PDE7B: variants seen among roughly 807,000 people sequenced by gnomAD.
PDE7B encodes the protein phosphodiesterase 7B.
PDE7B carries 29 observed loss-of-function variants against 56.2 expected under a neutral mutation model. The observed-to-expected ratio is 0.52, with a 90% CI of 0.38 to 0.70. PDE7B has a LOEUF of 0.70. PDE7B is among the 30% of genes least tolerant of loss of function. The pLI is 0.00. For missense variants in PDE7B, 490 were observed against 565.0 expected (o/e 0.87, Z 1.35); for synonymous variants, 197 against 196.9 (o/e 1.00, Z 0.00).
chr6:135,969,083 C>T (rs762747079), intron 2 of PDE7B, among the ~76,000 whole-genome samples: 3 of 152,056 alleles, frequency 2.0e-5, no homozygotes, highest in Non-Finnish European at 4.4e-5. Flanking sequence ...GGCAGCTGAA[C>T]AATGAGAATA....
At chr6:136,143,481 A>T (rs996521908) in intron 3 of PDE7B, among the ~76,000 whole-genome samples, 2 of 152,116 alleles carry the variant, frequency 1.3e-5, no homozygotes, top group Non-Finnish European at 2.9e-5. Context: ...ATCTTAATGT[A>T]ATATTTTTAA....
intron 2 of PDE7B, among the ~76,000 whole-genome samples, chr6:136,105,456 A>T (rs889406620): frequency 6.6e-6 from 1 of 152,220 alleles, no homozygotes. Context: ...AATTTCCATT[A>T]GCTTTGCTTC....
At chr6:135,986,977 C>G (rs1203629576) in intron 2 of PDE7B, among the ~76,000 whole-genome samples, 1 of 152,164 alleles carries the variant, frequency 6.6e-6, no homozygotes, top group Non-Finnish European at 1.5e-5. Context: ...AGCCTTGAAG[C>G]CTCTTCAAAG....
intron 1 of PDE7B, among the ~76,000 whole-genome samples, chr6:135,934,497 C>T (rs1015716300): frequency 6.6e-6 from 1 of 151,524 alleles, no homozygotes; most frequent in African/African-American, 2.4e-5. Context: ...GAGGCCAAGG[C>T]AGGCGGATCA....
intron 3 of PDE7B, among the ~76,000 whole-genome samples, chr6:136,123,545 A>C (rs960171672): frequency 1.3e-5 from 2 of 152,332 alleles, no homozygotes; most frequent in East Asian, 3.9e-4. Flanking sequence ...TAATATATTA[A>C]AGGACAAGCA....
intron 1 of PDE7B, among the ~76,000 whole-genome samples, chr6:135,902,731 C>T (rs1317925183): frequency 6.6e-6 from 1 of 152,182 alleles, no homozygotes; most frequent in African/African-American, 2.4e-5. Context: ...ACTTACCTGA[C>T]AAGCAGATAT....
chr6:136,139,060 C>T (rs1778266923), intron 3 of PDE7B, among the ~76,000 whole-genome samples: 1 of 152,046 alleles, frequency 6.6e-6, no homozygotes, highest in Admixed American at 6.6e-5. Context: ...TGTTGGTGTG[C>T]TGCACCCATT....
chr6:136,184,224 A>G (rs762657136), intron 11 of PDE7B, among the ~76,000 whole-genome samples: 14 of 152,230 alleles, frequency 9.2e-5, no homozygotes, highest in African/African-American at 2.9e-4. Flanking sequence ...AAACTATGCA[A>G]ATTTCCCCTT....
rs377251923 is a variant in PDE7B at position 136,191,699 on chromosome 6, C to T, written c.1212C>T (p.Gly404=). Residue 404 remains glycine (G), a synonymous_variant, in exon 13 of 13, where the codon GGC becomes GGT. Transcript: ENST00000308191. ...GCACCCTGTCGGAGAACATGCTGGG[C>T]CACCTCGCACACAACAAGGCCCAGT... ...GNSTLSENML[G]HLAHNKAQWK... 6.2e-6 allele frequency: 10 copies of T among 1,613,352 alleles called. No homozygotes were observed. The highest frequency in any genetic ancestry group is 8.5e-6 in the Non-Finnish European group (10 of 1,179,716).
chr6:136,158,874 G>T (rs1778656954), intron 8 of PDE7B, among the ~76,000 whole-genome samples: 1 of 152,166 alleles, frequency 6.6e-6, no homozygotes, highest in African/African-American at 2.4e-5. Context: ...AAATTTAATG[G>T]TGGGCTTAGC....
At chr6:135,856,285 T>G (rs1352210774) in intron 1 of PDE7B, among the ~76,000 whole-genome samples, 1 of 152,218 alleles carries the variant, frequency 6.6e-6, no homozygotes, top group Non-Finnish European at 1.5e-5. Context: ...CCTCTGTGGC[T>G]GTGACACTCC....
At chr6:136,117,606 G>A (rs772009968) in intron 3 of PDE7B, among the ~76,000 whole-genome samples, 1 of 152,164 alleles carries the variant, frequency 6.6e-6, no homozygotes, top group Non-Finnish European at 1.5e-5. Flanking sequence ...AAGGGCAGAA[G>A]TTATGGAGGA....
chr6:135,928,483 T>TTTATATATATA (rs1774235140), intron 1 of PDE7B, among the ~76,000 whole-genome samples: 7 of 96,874 alleles, frequency 7.2e-5, no homozygotes, highest in East Asian at 6.7e-4. Flanking sequence ...ATATATATAT[T>TTTATATATATA]TATTTATATA....
Position 135,919,588 on chromosome 6 carries a change from T to C in PDE7B, c.22-27876T>C, listed in dbSNP as rs369920043. On this transcript the variant is annotated intron_variant, in intron 1 of 12. Coordinates refer to ENST00000308191, the MANE Select transcript of PDE7B (RefSeq NM_018945.4). ...GATTACTTGTGTCATATTTATTACA[T>C]AGGTGGTCTTTAGGCAAAGCATACT... Among the ~76,000 whole-genome samples, 18 of 152,336 alleles carry C rather than the reference T, an allele frequency of 1.2e-4. 2 individuals are homozygous for C. The highest frequency in any genetic ancestry group is 5.8e-4 in the East Asian group (3 of 5,190).
At chr6:135,906,810 GTTTTTT>G (rs869049424) in intron 1 of PDE7B, among the ~76,000 whole-genome samples, 25 of 59,506 alleles carry the variant, frequency 4.2e-4, no homozygotes, top group African/African-American at 1.7e-3. Context: ...AATGAGGTTT[GTTTTTT>G]TTTTTTTTTT....
chr6:136,193,534 C>T lies in PDE7B; in HGVS notation c.*1694C>T, dbSNP rs1319017988. On this transcript the variant is annotated 3_prime_UTR_variant, in exon 13 of 13. Coordinates refer to ENST00000308191, the MANE Select transcript of PDE7B (RefSeq NM_018945.4). ...TGTTACAGCATTCTTCTCTAGGCTGCTAAACGCTGTGCATTGAACCTTTTC... is the reference window on the plus strand; with the variant it reads ...TGTTACAGCATTCTTCTCTAGGCTGTTAAACGCTGTGCATTGAACCTTTTC... 6.6e-6 allele frequency: 1 copy of T among 152,230 alleles called. No homozygotes were observed. Among genetic ancestry groups the T allele is most frequent in the East Asian group, 1.9e-4 (1 of 5,196 alleles). The allele number at this position is 152,230 out of a possible 1,614,324, so 9.4% of individuals were successfully genotyped here. A position where few individuals can be genotyped will look rare whatever the true frequency, so the allele number is the denominator to read the frequency against.
intron 1 of PDE7B, among the ~76,000 whole-genome samples, chr6:135,868,853 G>GT (rs1775316106): frequency 6.6e-6 from 1 of 152,160 alleles, no homozygotes; most frequent in Non-Finnish European, 1.5e-5. Context: ...ACATTGTCTT[G>GT]TTTAGTATGT....
At chr6:135,863,433 C>T (rs1775188935) in intron 1 of PDE7B, among the ~76,000 whole-genome samples, 1 of 151,934 alleles carries the variant, frequency 6.6e-6, no homozygotes, top group African/African-American at 2.4e-5. Flanking sequence ...ATACTTAGTT[C>T]TTGGGGAGCC....
intron 2 of PDE7B, among the ~76,000 whole-genome samples, chr6:136,037,084 C>A (rs1011767260): frequency 2.0e-5 from 3 of 152,306 alleles, no homozygotes; most frequent in Admixed American, 2.0e-4. Context: ...ACTCTCAGGT[C>A]GGGGACACAG....
Sources: gnomAD v4.1 joint callset for allele counts (sites outside exome capture counted in the v4.1 genomes callset) on GRCh38, gnomAD v4.1.1 for gene constraint, MANE v1.5 for transcripts, NCBI Gene and HGNC (gene_info 2026-07-23, HGNC 2026-07-21) for gene names.